FBRS: variants seen among roughly 807,000 people sequenced by gnomAD.
FBRS encodes the protein fibrosin.
Under a neutral mutation model 86.1 loss-of-function variants are expected in FBRS, and 15 were observed. That is an observed-to-expected ratio of 0.17 (90% CI 0.12 to 0.27). The LOEUF is 0.27. FBRS is among the 10% of genes least tolerant of loss of function. The probability of loss-of-function intolerance (pLI) is 1.00; values close to 1 mark genes in which losing one functional copy is unlikely to be tolerated. For missense variants in FBRS, 1,367 were observed against 1,301.6 expected, an observed-to-expected ratio of 1.05 and a Z score of -0.77; for synonymous variants, 666 against 575.8, an observed-to-expected ratio of 1.16 and a Z score of -2.24.
intron 1 of FBRS, 100 bp from the exon 2 acceptor site, chr16:30,660,163 G>A: frequency 1.4e-6 from 2 of 1,411,052 alleles, no homozygotes; most frequent in Non-Finnish European, 1.9e-6. Context: ...TGGGGACCCG[G>A]TTTCCCGGCC....
Position 30,667,605 on chromosome 16 carries a change from GC to G in FBRS, c.2061del (p.Ser688AlafsTer65). The stretch of plus-strand genomic sequence containing the variant: ...CCCGGGGCCCACGGACCCTTCCTGA[GC>G]CCCAGCACCCACATTGGTAAGAGCC... ...AAPGAHGPFL[S>X]PSTHIDPFGR... On this transcript the variant is annotated frameshift_variant, in exon 15 of 18. Coordinates refer to ENST00000356166, the MANE Select transcript of FBRS (RefSeq NM_001105079.3). LOFTEE classifies it high-confidence loss of function. The G allele has an allele frequency of 6.5e-7, 1 of 1,534,114 alleles. No homozygotes were observed. The highest frequency in any genetic ancestry group is 8.8e-7 in the Non-Finnish European group (1 of 1,139,238).
At chr16:30,660,062 G>C (rs1420676119) in intron 1 of FBRS, 85 bp downstream of exon 1, 2 of 1,484,102 alleles carry the variant, frequency 1.3e-6, no homozygotes, top group Non-Finnish European at 1.8e-6. Flanking sequence ...TGGAGTTGAG[G>C]GGGGAATGCT....
rs755394473 is a variant in FBRS, at chr16:30,669,512, C to T, written c.2810C>T (p.Ala937Val). The change falls in exon 18 of 18, where the codon GCG becomes GTG. Residue 937 changes from alanine (A) to valine (V), a missense_variant. Coordinates refer to ENST00000356166, the MANE Select transcript of FBRS (RefSeq NM_001105079.3). This position sits in a 1 kb window ranked among gnomAD's most constrained non-coding sequence, Gnocchi z 5.9. The stretch of plus-strand genomic sequence containing the variant: ...TTGGCTCCTCCACCACCACCTGCTG[C>T]GGCCCCGGGAACCCCTCACCTTCTC... ...SRLAPPPPPA[A>V]APGTPHLLSK... The T allele has an allele frequency of 3.2e-5, 51 of 1,613,140 alleles. No homozygotes were observed. Among genetic ancestry groups the T allele is most frequent in the East Asian group, 1.1e-4 (5 of 44,866 alleles).
chr16:30,669,946 G>C lies in FBRS; in HGVS notation c.*301G>C. 1 of 543,830 alleles carries C rather than the reference G, an allele frequency of 1.8e-6. No individual in the cohort carries two copies. Among genetic ancestry groups the C allele is most frequent in the Non-Finnish European group, 3.3e-6 (1 of 302,316 alleles). The allele number at this position is 543,830 out of a possible 1,614,324, so 33.7% of individuals were successfully genotyped here. ...GAGGTACACCTTTGCCCCTGTAAGG[G>C]CCTCTAGGCCCTGGGCCTGCCTCCC... On this transcript the variant is annotated 3_prime_UTR_variant, in exon 18 of 18. Coordinates refer to ENST00000356166, the MANE Select transcript of FBRS (RefSeq NM_001105079.3). This position sits in a 1 kb window ranked among gnomAD's most constrained non-coding sequence, Gnocchi z 5.9.
In FBRS at chr16:30,670,754, G is replaced by A. The variant is rs1427480967; in HGVS notation, c.*1109G>A. Reference sequence around the variant, plus strand: ...AACGTTGACTTTTTTCCCTGGTGGGGCTTCTTCTGTAACATGACTTGCGAA... The same window carrying A: ...AACGTTGACTTTTTTCCCTGGTGGGACTTCTTCTGTAACATGACTTGCGAA... On this transcript the variant is annotated 3_prime_UTR_variant, in exon 18 of 18. Transcript: ENST00000356166. 1 of 156,548 alleles carries A rather than the reference G, an allele frequency of 6.4e-6. No homozygotes were observed. The highest frequency in any genetic ancestry group is 1.4e-5 in the Non-Finnish European group (1 of 69,822). 9.7% of individuals were successfully genotyped at this position (156,548 alleles called of 1,614,324 possible).
intron 2 of FBRS, chr16:30,660,710 T>C: frequency 1.9e-6 from 1 of 517,012 alleles, no homozygotes; most frequent in Non-Finnish European, 3.1e-6. Context: ...CGTAAATTAA[T>C]TGTGGTTCCT....
Position 30,669,637 on chromosome 16 carries a change from G to C in FBRS, c.2935G>C (p.Asp979His). The C allele has an allele frequency of 3.1e-6, 5 of 1,597,530 alleles. No homozygotes were observed. The highest frequency in any genetic ancestry group is 4.3e-6 in the Non-Finnish European group (5 of 1,174,296). The change falls in exon 18 of 18, where the codon GAC becomes CAC. Residue 979 changes from aspartate (D) to histidine (H), a missense_variant. By Grantham distance (81) the Asp-to-His change is moderately conservative (BLOSUM62 -1). Transcript: ENST00000356166. The surrounding 1 kb of genome is among the most constrained non-coding windows in gnomAD (Gnocchi z 5.9). Reference sequence around the variant, plus strand: ...TAGGGGCCCTGGCCCAGCTCGGGCTGACAGGTGAGGGGAACGGGGGGGGGT... The same window carrying C: ...TAGGGGCCCTGGCCCAGCTCGGGCTCACAGGTGAGGGGAACGGGGGGGGGT... Reference protein sequence around the residue: ...PPRGPGPARADR With the variant: ...PPRGPGPARAHR
chr16:30,662,147 G>A (rs1794441570), intron 4 of FBRS: 8 of 456,732 alleles, frequency 1.8e-5, no homozygotes, highest in East Asian at 4.0e-5. Context: ...GACCTCTGAC[G>A]TTTTGGTTTG....
chr16:30,662,583 A>T lies in FBRS; in HGVS notation c.779A>T (p.Asn260Ile), dbSNP rs898250517. Residue 260 changes from asparagine to isoleucine, a missense_variant, in exon 6 of 18, where the codon AAT becomes ATT. This residue lies in a region of FBRS where 702 missense variants were observed against 598.7 expected (regional missense o/e 1.17). Transcript: ENST00000356166. ...SKASGPHGAF[N>I]GNCEAKLSVV... ...GCCTCGGGCCCCCACGGCGCCTTCA[A>T]TGGGAACTGTGAAGCAAAACTCTCC... The T allele has an allele frequency of 1.2e-5, 18 of 1,542,364 alleles. No homozygotes were observed. Among genetic ancestry groups the T allele is most frequent in the Non-Finnish European group, 1.6e-5 (18 of 1,141,256 alleles).
rs771228797 is a variant in FBRS at position 30,669,124 on chromosome 16, C to T, written c.2422C>T (p.Arg808Trp). Residue 808 changes from arginine to tryptophan, a missense_variant, in exon 18 of 18, where the codon CGG becomes TGG. By Grantham distance (101) the Arg-to-Trp change is moderately radical. This residue lies in a region of FBRS where 659 missense variants were observed against 678.8 expected (regional missense o/e 0.97). Coordinates refer to ENST00000356166, the MANE Select transcript of FBRS (RefSeq NM_001105079.3). This position sits in a 1 kb window ranked among gnomAD's most constrained non-coding sequence, Gnocchi z 5.9. ...LRVSPATPKA[R>W]AGEEGPRPTK... Reference sequence around the variant, plus strand: ...AGTTTCTCCTGCTACTCCCAAGGCCCGGGCTGGTGAGGAGGGGCCTCGGCC... The same window carrying T: ...AGTTTCTCCTGCTACTCCCAAGGCCTGGGCTGGTGAGGAGGGGCCTCGGCC... The T allele has an allele frequency of 1.0e-5, 16 of 1,586,792 alleles. No individual in the cohort carries two copies. The highest frequency in any genetic ancestry group is 4.0e-5 in the African/African-American group (3 of 74,154).
rs1401969819 is a variant in FBRS at position 30,664,820 on chromosome 16, TCCACCAGCACAA to T, written c.1474_1485del (p.Asn492_His495del). ...TCGGCCCGGCCCCTGGCCTTCCAGT[TCCACCAGCACAA>T]CCACCAGCACCAGCACACCCACCAG... On this transcript the variant is annotated inframe_deletion, in exon 8 of 18. Transcript: ENST00000356166. The T allele has an allele frequency of 2.6e-6, 4 of 1,562,608 alleles. No homozygotes were observed. The highest frequency in any genetic ancestry group is 4.8e-5 in the East Asian group (2 of 41,534).
rs374289269 is a variant in FBRS, at chr16:30,668,681, A to G, written c.2158+38A>G. On this transcript the variant is annotated intron_variant, in intron 16 of 17. Transcript: ENST00000356166. ...GCGGTGGGGTGGGGGGGCTGCGGCC[A>G]CAGGGTGAGAGCTCAGACGGTCTGG... 2,243 of 1,587,886 alleles carry G rather than the reference A, an allele frequency of 1.4e-3. 8 individuals carry two copies. The highest frequency in any genetic ancestry group is 1.7e-3 in the Non-Finnish European group (1,992 of 1,160,498).
intron 7 of FBRS, 46 bp downstream of exon 7, chr16:30,664,562 G>T: frequency 7.0e-7 from 1 of 1,428,790 alleles, no homozygotes; most frequent in Non-Finnish European, 9.1e-7. Flanking sequence ...ATCACCCCGG[G>T]CTCGGGCCCA....
At chr16:30,666,771 G>A (rs945309923) in intron 12 of FBRS, 148 bp from the exon 13 acceptor site, 1 of 1,111,948 alleles carries the variant, frequency 9.0e-7, no homozygotes, top group Non-Finnish European at 1.3e-6. Context: ...TTCCTAGGCT[G>A]TAAAATGAAC....
Position 30,661,978 on chromosome 16 carries a change from A to G in FBRS, c.706-442A>G, listed in dbSNP as rs1349711022. The G allele has an allele frequency of 1.5e-5, 3 of 198,574 alleles. No individual in the cohort carries two copies. The East Asian group carries it at 4.7e-4, about 31-fold the overall frequency. 12.3% of individuals were successfully genotyped at this position (198,574 alleles called of 1,614,324 possible). On this transcript the variant is annotated intron_variant, in intron 4 of 17. Coordinates refer to ENST00000356166, the MANE Select transcript of FBRS (RefSeq NM_001105079.3). ...CTATCTGTCTAGGCTGATTGTTGCT[A>G]CGAGAACAGGGGGCCCATTCTTGAG...
rs1049614837 is a variant in FBRS at position 30,670,235 on chromosome 16, G to A, written c.*590G>A. 5 of 457,240 alleles carry A rather than the reference G, an allele frequency of 1.1e-5. No homozygotes were observed. The highest frequency in any genetic ancestry group is 6.0e-5 in the African/African-American group (3 of 50,032). The allele number at this position is 457,240 out of a possible 1,614,324, so 28.3% of individuals were successfully genotyped here. On this transcript the variant is annotated 3_prime_UTR_variant, in exon 18 of 18. Coordinates refer to ENST00000356166, the MANE Select transcript of FBRS (RefSeq NM_001105079.3). ...GGCCTCTCTGTGGGGAAAGGGGACTGCAGGGGGAAGAGCCGGGAAGGGACA... is the reference window on the plus strand; with the variant it reads ...GGCCTCTCTGTGGGGAAAGGGGACTACAGGGGGAAGAGCCGGGAAGGGACA...
chr16:30,659,752 C>A lies in FBRS; in HGVS notation c.234C>A (p.Gly78=), dbSNP rs1285113644. The part of the protein sequence containing the change: ...SSASSGERPG[G]PRRRRPRPRP... ...CTTCGTCTGGAGAGCGGCCTGGGGG[C>A]CCGAGACGCCGGCGGCCCCGTCCGA... The change falls in exon 1 of 18, where the codon GGC becomes GGA. Residue 78 remains glycine (G), a synonymous_variant. Transcript: ENST00000356166. The A allele has an allele frequency of 2.2e-6, 3 of 1,386,682 alleles. No individual in the cohort carries two copies. In the South Asian group the frequency reaches 4.0e-5, roughly 18 times the overall value. 85.9% of individuals were successfully genotyped at this position (1,386,682 alleles called of 1,614,324 possible).
chr16:30,664,398 G>GGGGCC lies in FBRS; in HGVS notation c.1239_1240insGGGCC (p.Pro414GlyfsTer45). On this transcript the variant is annotated frameshift_variant, in exon 7 of 18. Coordinates refer to ENST00000356166, the MANE Select transcript of FBRS (RefSeq NM_001105079.3). LOFTEE classifies it high-confidence loss of function. ...ACAGCTTTCCCCCTCCCGGGCTGCG[G>GGGGCC]CCCCCCCCACCACCCCACCACCCCT... is the stretch of plus-strand genomic sequence containing the variant. 5.8e-6 allele frequency: 8 copies of GGGGCC among 1,376,468 alleles called. No homozygotes were observed. The highest frequency in any genetic ancestry group is 7.8e-6 in the Non-Finnish European group (8 of 1,026,044). 85.3% of individuals were successfully genotyped at this position (1,376,468 alleles called of 1,614,324 possible).
chr16:30,669,467 A>T lies in FBRS; in HGVS notation c.2765A>T (p.His922Leu). The T allele has an allele frequency of 6.2e-7, 1 of 1,612,792 alleles. No individual in the cohort carries two copies. ...CGCCTCTACGGTCTGGAACCTGCTC[A>T]CCCCTTGCTCTACAGCCGCTTGGCT... ...AARLYGLEPAHPLLYSRLAPP... is the reference protein window; with the variant it reads ...AARLYGLEPALPLLYSRLAPP... Residue 922 changes from histidine to leucine, a missense_variant, in exon 18 of 18, where the codon CAC (histidine) becomes CTC (leucine). Around this residue, in one of 3 missense-constraint regions of FBRS, gnomAD observed 659 missense variants for 678.8 expected, o/e 0.97. Transcript: ENST00000356166. The surrounding 1 kb of genome is among the most constrained non-coding windows in gnomAD (Gnocchi z 5.9).
Sources: gnomAD v4.1 joint callset for allele counts on GRCh38, gnomAD v4.1.1 for gene constraint, gnomAD v4.1.1 regional missense constraint, Gnocchi (gnomAD v3.1) non-coding constraint, MANE v1.5 for transcripts, NCBI Gene and HGNC (gene_info 2026-07-23, HGNC 2026-07-21) for gene names.